MYO10: variants seen among roughly 807,000 people sequenced by gnomAD.
MYO10 encodes myosin X, also known as unconventional myosin-X.
Under a neutral mutation model 257.3 loss-of-function variants are expected in MYO10, and 133 were observed. The observed-to-expected ratio is 0.52, with a 90% confidence interval of 0.45 to 0.60. MYO10 has a LOEUF of 0.60. Among genes scored for constraint, MYO10 ranks in the 20% least tolerant of loss-of-function variants. The pLI is 0.00. For missense variants in MYO10, 2,399 were observed against 2,635.7 expected, an observed-to-expected ratio of 0.91 and a Z score of 1.97; for synonymous variants, 1,104 against 1,028.6, an observed-to-expected ratio of 1.07 and a Z score of -1.40.
intron 9 of MYO10, among the ~76,000 whole-genome samples, chr5:16,776,613 A>C (rs1309089382): frequency 6.6e-6 from 1 of 152,246 alleles, no homozygotes; most frequent in Non-Finnish European, 1.5e-5. Context: ...TTGTCATAAA[A>C]TCAAATTTCA....
intron 19 of MYO10, among the ~76,000 whole-genome samples, chr5:16,717,026 G>A (rs1192466516): frequency 8.5e-5 from 13 of 152,148 alleles, no homozygotes; most frequent in Admixed American, 8.5e-4. Flanking sequence ...TAGTAGAGAT[G>A]GGGTTTTCCC....
intron 3 of MYO10, among the ~76,000 whole-genome samples, chr5:16,800,636 A>G (rs902348514): frequency 2.6e-5 from 4 of 152,104 alleles, no homozygotes; most frequent in African/African-American, 9.7e-5. Context: ...TCTATCTTCT[A>G]ATCTACAATG....
intron 5 of MYO10, among the ~76,000 whole-genome samples, chr5:16,782,691 A>C (rs1231497331): frequency 2.0e-5 from 3 of 152,182 alleles, no homozygotes; most frequent in African/African-American, 7.2e-5. Flanking sequence ...TCTCTAAATA[A>C]TAGGGTGTAT....
intron 5 of MYO10, among the ~76,000 whole-genome samples, chr5:16,783,017 C>A (rs1417211550): frequency 3.3e-5 from 5 of 152,130 alleles, no homozygotes; most frequent in Admixed American, 1.3e-4. Flanking sequence ...CCATAAACTC[C>A]AATACAAGTG....
At position 16,935,653 on chromosome 5, in the gene MYO10, G is replaced by A. The variant is rs914151141; in HGVS notation, c.21+135C>T. 12 of 976,120 alleles carry A rather than the reference G, an allele frequency of 1.2e-5. No individual in the cohort carries two copies. The South Asian group carries it at 1.5e-4, about 13-fold the overall frequency. The allele number at this position is 976,120 out of a possible 1,614,324, so 60.5% of individuals were successfully genotyped here. ...CATCAGAGACTCCGCGGGGGGATGG[G>A]GGGTGATTTCAGGAGACTCCCAGAA... On this transcript the variant is annotated intron_variant, in intron 1 of 40. Coordinates refer to ENST00000513610, the MANE Select transcript of MYO10 (RefSeq NM_012334.3).
chr5:16,679,901 T>A, intron 33 of MYO10, 46 bp downstream of exon 33: 2 of 1,593,454 alleles, frequency 1.3e-6, no homozygotes, highest in Non-Finnish European at 8.6e-7. Context: ...AAGGGTAGAA[T>A]CTCTGAGCTG....
At chr5:16,812,557 C>CT (rs1742473324) in intron 3 of MYO10, among the ~76,000 whole-genome samples, 1 of 152,220 alleles carries the variant, frequency 6.6e-6, no homozygotes, top group South Asian at 2.1e-4. Flanking sequence ...AGGCCATGTG[C>CT]TGTGAGCTGG....
chr5:16,662,257 G>A lies in MYO10; in HGVS notation c.*4435C>T, dbSNP rs964792572. On this transcript the variant is annotated 3_prime_UTR_variant, in exon 41 of 41. Transcript: ENST00000513610. ...AGCAGATTTTTGACCCCAATTTAGT[G>A]TGCTATCTGAATAAAAGGCTTAGTA... 6.8e-5 allele frequency: 10 copies of A among 146,946 alleles called. No individual in the cohort carries two copies. The highest frequency in any genetic ancestry group is 2.5e-4 in the African/African-American group (10 of 39,698). 9.1% of individuals were successfully genotyped at this position (146,946 alleles called of 1,614,324 possible). A position where few individuals can be genotyped will look rare whatever the true frequency, so the allele number is the denominator to read the frequency against.
chr5:16,764,226 G>A (rs752906637), intron 12 of MYO10, 24 bp downstream of exon 12: 13 of 1,612,524 alleles, frequency 8.1e-6, no homozygotes, highest in African/African-American at 6.7e-5. Context: ...GAGAATTCAC[G>A]TGCTGCACTG....
At chr5:16,867,827 T>C (rs1218478826) in intron 2 of MYO10, among the ~76,000 whole-genome samples, 1 of 152,184 alleles carries the variant, frequency 6.6e-6, no homozygotes, top group African/African-American at 2.4e-5. Flanking sequence ...GAGAAGAATT[T>C]TTTCAACCAA....
chr5:16,858,042 A>C (rs749496066), intron 2 of MYO10, among the ~76,000 whole-genome samples: 1 of 152,232 alleles, frequency 6.6e-6, no homozygotes, highest in African/African-American at 2.4e-5. Flanking sequence ...GAAGCTTTGC[A>C]ACTCCTCAGC....
chr5:16,895,247 A>G (rs1423584921), intron 1 of MYO10, among the ~76,000 whole-genome samples: 3 of 152,222 alleles, frequency 2.0e-5, no homozygotes, highest in African/African-American at 7.2e-5. Flanking sequence ...AATTCCCAAG[A>G]TCTCCCTCAG....
intron 2 of MYO10, among the ~76,000 whole-genome samples, chr5:16,831,526 G>A (rs1339074206): frequency 6.6e-6 from 1 of 152,076 alleles, no homozygotes; most frequent in African/African-American, 2.4e-5. Flanking sequence ...ATATACAATG[G>A]AATACTACTC....
At chr5:16,816,799 A>T (rs189994717) in intron 3 of MYO10, among the ~76,000 whole-genome samples, 20 of 151,418 alleles carry the variant, frequency 1.3e-4, no homozygotes, top group African/African-American at 4.6e-4. Flanking sequence ...AAGTGCTGGG[A>T]TTACAGGCGT....
At chr5:16,797,660 T>C (rs565823421) in intron 3 of MYO10, among the ~76,000 whole-genome samples, 1 of 152,306 alleles carries the variant, frequency 6.6e-6, no homozygotes, top group South Asian at 2.1e-4. Context: ...TGCTGATCCA[T>C]GCTACAATGT....
chr5:16,685,794 TG>T lies in MYO10; in HGVS notation c.3933del (p.Thr1312ArgfsTer26). 2 of 1,602,068 alleles carry T rather than the reference TG, an allele frequency of 1.2e-6. No homozygotes were observed. The highest frequency in any genetic ancestry group is 1.7e-6 in the Non-Finnish European group (2 of 1,174,792). On this transcript the variant is annotated frameshift_variant, in exon 29 of 41. Transcript: ENST00000513610. LOFTEE classifies it high-confidence loss of function. ...TGCATCTCCTGGATCTCCTGGTCCG[TG>T]GACGCGTGGACCTGACTCAGCACGC... is the stretch of plus-strand genomic sequence containing the variant. Reference protein sequence around the residue: ...WFSVLSQVHASTDQEIQEMHD... With the variant: ...WFSVLSQVHAXTDQEIQEMHD...
At chr5:16,698,948 T>A (rs1737897428) in intron 26 of MYO10, among the ~76,000 whole-genome samples, 1 of 152,062 alleles carries the variant, frequency 6.6e-6, no homozygotes, top group Non-Finnish European at 1.5e-5. Flanking sequence ...ATCATGAGAA[T>A]GGGTCTCGAC....
At position 16,727,269 on chromosome 5, in the gene MYO10, G is replaced by C. The variant is rs147373505; in HGVS notation, c.1930-16024C>G. ...ATGGTGCTCACATTCTATTCCTATTGAACAGTGTTATTCTAAAAAGTTAGG... is the reference window on the plus strand; with the variant it reads ...ATGGTGCTCACATTCTATTCCTATTCAACAGTGTTATTCTAAAAAGTTAGG... On this transcript the variant is annotated intron_variant, in intron 19 of 40. Coordinates refer to ENST00000513610, the MANE Select transcript of MYO10 (RefSeq NM_012334.3). 5.9e-5 allele frequency among the ~76,000 whole-genome samples: 9 copies of C among 152,134 alleles called. No individual in the cohort carries two copies. In the East Asian group the frequency reaches 1.7e-3, roughly 29 times the overall value.
At chr5:16,724,320 A>G (rs1202914236) in intron 19 of MYO10, among the ~76,000 whole-genome samples, 1 of 152,152 alleles carries the variant, frequency 6.6e-6, no homozygotes, top group Admixed American at 6.5e-5. Context: ...GGAATTAAAC[A>G]AAAAAATGAA....
Sources: allele counts gnomAD v4.1 joint callset (sites outside exome capture counted in the v4.1 genomes callset), GRCh38; gene constraint gnomAD v4.1.1; transcripts MANE v1.5; gene names NCBI Gene and HGNC (gene_info 2026-07-23, HGNC 2026-07-21).